PKD1L3: variants seen among roughly 807,000 people sequenced by gnomAD.
PKD1L3 encodes the protein polycystin 1 like 3, transient receptor potential channel interacting.
Under a neutral mutation model 184.1 loss-of-function variants are expected in PKD1L3, and 239 were observed. That is an observed-to-expected ratio of 1.30 (90% CI 1.17 to 1.45). The LOEUF (loss-of-function observed/expected upper bound fraction) is 1.45, where lower values mean the gene tolerates loss of function less well. PKD1L3 is among the 40% of genes most tolerant of loss of function. The probability of loss-of-function intolerance (pLI) is 0.00; values close to 1 mark genes in which losing one functional copy is unlikely to be tolerated. For synonymous variants in PKD1L3, 996 were observed against 778.8 expected, an observed-to-expected ratio of 1.28 and a Z score of -4.64; for missense variants, 2,660 against 2,067.2, an observed-to-expected ratio of 1.29 and a Z score of -5.56.
At chr16:71,964,053 C>T (rs952252319) in intron 15 of PKD1L3, among the ~76,000 whole-genome samples, 3 of 152,082 alleles carry the variant, frequency 2.0e-5, no homozygotes, top group East Asian at 1.9e-4. Context: ...GTCTCATCTC[C>T]GCTTCACAGG....
At chr16:71,943,533 G>A (rs1289825765) in intron 23 of PKD1L3, among the ~76,000 whole-genome samples, 7 of 52,830 alleles carry the variant, frequency 1.3e-4, no homozygotes, top group Admixed American at 3.1e-4. Flanking sequence ...GTGAGACTCC[G>A]TCTCAAAAAA....
chr16:71,990,776 A>G, intron 3 of PKD1L3, among the ~76,000 whole-genome samples: 1 of 151,966 alleles, frequency 6.6e-6, no homozygotes, highest in East Asian at 1.9e-4. Flanking sequence ...AGGAAAAGAC[A>G]AAAGGGAACC....
Position 71,982,109 on chromosome 16 carries a change from T to C in PKD1L3, c.1093A>G (p.Thr365Ala), listed in dbSNP as rs2040183334. The C allele has an allele frequency of 1.3e-6, 2 of 1,551,210 alleles. No homozygotes were observed. The highest frequency in any genetic ancestry group is 4.9e-5 in the East Asian group (2 of 40,900). The change falls in exon 7 of 30, where the codon ACC becomes GCC. Residue 365 changes from threonine to alanine, a missense_variant. Physicochemically the swap from Thr to Ala is moderately conservative, Grantham distance 58 (BLOSUM62 0). Coordinates refer to ENST00000620267, the MANE Select transcript of PKD1L3 (RefSeq NM_181536.2). Reference sequence around the variant, plus strand: ...AGCCAACTTCCTTCTCCAGCTTTGGTGACATTGTTGAGGGAATGAAAGGGG... The same window carrying C: ...AGCCAACTTCCTTCTCCAGCTTTGGCGACATTGTTGAGGGAATGAAAGGGG... ...VCPFHSLNNV[T>A]KAGEGSWLES...
At chr16:71,968,110 G>T in intron 13 of PKD1L3, 103 bp from the exon 14 acceptor site, 2 of 869,412 alleles carry the variant, frequency 2.3e-6, no homozygotes, top group Non-Finnish European at 3.5e-6. Flanking sequence ...CAGGTGTCTG[G>T]CAGCCCTGCA....
rs2039655607 is a variant in PKD1L3, at chr16:71,970,099, G to A, written c.1960C>T (p.Pro654Ser). ...TWSSAGCQVG[P>S]QSTILRTQCL... is the part of the protein sequence containing the mutation. The stretch of plus-strand genomic sequence containing the variant: ...TGTGTCCTCAGAATTGTGCTCTGTG[G>A]CCCAACCTGGAATTAGAATCAAGAC... Residue 654 changes from proline (P) to serine (S), a missense_variant, in exon 13 of 30, where the codon CCA becomes TCA. Pro to Ser is a moderately conservative substitution (Grantham distance 74, BLOSUM62 -1). Coordinates refer to ENST00000620267, the MANE Select transcript of PKD1L3 (RefSeq NM_181536.2). 1 of 1,551,100 alleles carries A rather than the reference G, an allele frequency of 6.4e-7. No homozygotes were observed. The highest frequency in any genetic ancestry group is 1.4e-5 in the African/African-American group (1 of 73,044).
intron 16 of PKD1L3, among the ~76,000 whole-genome samples, chr16:71,956,184 A>ATTTT (rs35268514): frequency 0.15 from 12,643 of 82,386 alleles, 1,132 homozygotes; most frequent in East Asian, 0.43. Flanking sequence ...AAAGGAAGGA[A>ATTTT]TTTTTTTTTT....
chr16:71,999,579 T>C, intron 1 of PKD1L3, 105 bp downstream of exon 1: 1 of 1,158,942 alleles, frequency 8.6e-7, no homozygotes, highest in East Asian at 2.8e-5. Context: ...GTGACTGGTT[T>C]TTCTGTCTAC....
intron 9 of PKD1L3, 145 bp downstream of exon 9, chr16:71,979,641 G>T: frequency 9.8e-7 from 1 of 1,018,172 alleles, no homozygotes; most frequent in Non-Finnish European, 1.3e-6. Flanking sequence ...CCCTGCCAGT[G>T]TAAAATAAAA....
At chr16:71,950,674 G>A (rs2143361536) in intron 19 of PKD1L3, among the ~76,000 whole-genome samples, 1 of 151,718 alleles carries the variant, frequency 6.6e-6, no homozygotes, top group East Asian at 1.9e-4. Flanking sequence ...AGTTTCAACA[G>A]CCTTTGACAA....
chr16:71,968,042 C>A (rs1219011646), intron 13 of PKD1L3, 35 bp from the exon 14 acceptor site: 2 of 1,502,540 alleles, frequency 1.3e-6, no homozygotes, highest in Non-Finnish European at 1.8e-6. Flanking sequence ...ACTTACTAGG[C>A]CTCCACTTGG....
Position 71,984,467 on chromosome 16 carries a change from G to T in PKD1L3, c.835-300C>A, listed in dbSNP as rs545457273. Among the ~76,000 whole-genome samples, 5 of 152,284 alleles carry T rather than the reference G, an allele frequency of 3.3e-5. No homozygotes were observed. The South Asian group carries it at 8.3e-4, about 25-fold the overall frequency. On this transcript the variant is annotated intron_variant, in intron 5 of 29. Transcript: ENST00000620267. ...TTAAGTGTTAAGGCCATGAAGATGA[G>T]GGAAACTTGGAAATTAAAAAGCCAA...
intron 6 of PKD1L3, among the ~76,000 whole-genome samples, chr16:71,982,675 C>T (rs1480377591): frequency 4.6e-5 from 7 of 152,148 alleles, no homozygotes; most frequent in Admixed American, 4.6e-4. Flanking sequence ...TGCCTCACTG[C>T]AGCCTCGAAC....
At chr16:71,938,828 C>G (rs749634555) in intron 24 of PKD1L3, among the ~76,000 whole-genome samples, 6 of 152,226 alleles carry the variant, frequency 3.9e-5, no homozygotes, top group Non-Finnish European at 7.3e-5. Context: ...AAGCTCCTCT[C>G]CACCTCTCTC....
At chr16:71,929,963 A>G (rs2037870571) in intron 29 of PKD1L3, 89 bp downstream of exon 29, 5 of 1,385,758 alleles carry the variant, frequency 3.6e-6, no homozygotes, top group African/African-American at 1.5e-5. Flanking sequence ...GTGCATTATA[A>G]ATTATGTCAG....
At chr16:71,976,626 GA>G (rs926373098) in intron 11 of PKD1L3, among the ~76,000 whole-genome samples, 6 of 151,654 alleles carry the variant, frequency 4.0e-5, no homozygotes, top group Non-Finnish European at 7.4e-5. Flanking sequence ...TTTTAAAAAA[GA>G]AAAAAAAGTG....
At chr16:71,961,872 GT>G (rs1422486141) in intron 16 of PKD1L3, among the ~76,000 whole-genome samples, 9 of 152,292 alleles carry the variant, frequency 5.9e-5, no homozygotes, top group African/African-American at 2.2e-4. Context: ...TTTCTTGTTT[GT>G]TCTGGGAGTC....
rs1299991523 is a variant in PKD1L3, at chr16:71,947,583, G to A, written c.3627C>T (p.Phe1209=). The A allele has an allele frequency of 2.6e-6, 4 of 1,538,660 alleles. No homozygotes were observed. Among genetic ancestry groups the A allele is most frequent in the African/African-American group, 1.4e-5 (1 of 72,674 alleles). Reference sequence around the variant, plus strand: ...TCATCAGTGAGTATAAGAATGTGAAGAAGACCACCTGGGCAGGAGAATCAC... The same window carrying A: ...TCATCAGTGAGTATAAGAATGTGAAAAAGACCACCTGGGCAGGAGAATCAC... The part of the protein sequence containing the change: ...IFISQPVKVV[F]FTFLYSLMMS... The change falls in exon 22 of 30, where the codon TTC becomes TTT. Residue 1209 remains phenylalanine (F), a synonymous_variant. Coordinates refer to ENST00000620267, the MANE Select transcript of PKD1L3 (RefSeq NM_181536.2).
chr16:71,959,834 G>A (rs917910843), intron 16 of PKD1L3, among the ~76,000 whole-genome samples: 1 of 152,178 alleles, frequency 6.6e-6, no homozygotes, highest in East Asian at 1.9e-4. Context: ...AATACAAGAA[G>A]TGGTCAGGCA....
At chr16:71,979,155 G>C (rs2040050023) in intron 9 of PKD1L3, among the ~76,000 whole-genome samples, 1 of 152,244 alleles carries the variant, frequency 6.6e-6, no homozygotes, top group South Asian at 2.1e-4. Context: ...TTTGTAAATA[G>C]TGCAGAGGCT....
Sources: gnomAD v4.1 joint callset for allele counts (sites outside exome capture counted in the v4.1 genomes callset) on GRCh38, gnomAD v4.1.1 for gene constraint, MANE v1.5 for transcripts, NCBI Gene and HGNC (gene_info 2026-07-23, HGNC 2026-07-21) for gene names.